PAK4: variants seen among roughly 807,000 people sequenced by gnomAD.
The protein encoded by PAK4 is serine/threonine-protein kinase PAK 4.
A neutral mutation model predicts 53.5 loss-of-function variants in PAK4; 49 were observed. The ratio of observed to expected loss-of-function variants is 0.92; its 90% CI spans 0.73 to 1.16. The LOEUF (loss-of-function observed/expected upper bound fraction) is 1.16, where lower values mean the gene tolerates loss of function less well. PAK4 is among the 50% of genes most tolerant of loss of function. The probability of loss-of-function intolerance (pLI) is 0.00; values close to 1 mark genes in which losing one functional copy is unlikely to be tolerated. For missense variants in PAK4, 824 were observed against 850.7 expected (o/e 0.97, Z 0.39); for synonymous variants, 376 against 375.6 (o/e 1.00, Z -0.01).
intron 1 of PAK4, among the ~76,000 whole-genome samples, chr19:39,131,721 T>C (rs2145101916): frequency 6.6e-6 from 1 of 152,202 alleles, no homozygotes; most frequent in East Asian, 1.9e-4. Flanking sequence ...GCCCCGACCC[T>C]TCCCAGGCTG....
At chr19:39,164,608 G>T (rs2144788328) in intron 1 of PAK4, among the ~76,000 whole-genome samples, 1 of 152,324 alleles carries the variant, frequency 6.6e-6, no homozygotes, top group Admixed American at 6.5e-5. Flanking sequence ...GGCGCATCCT[G>T]TGGGGACTCT....
At chr19:39,174,059 T>TCCCACCCTCCCTCCCC (rs2074550883) in intron 4 of PAK4, 49 bp downstream of exon 5, 2 of 979,058 alleles carry the variant, frequency 2.0e-6, no homozygotes, top group African/African-American at 3.0e-5. Flanking sequence ...CACCCCTCCC[T>TCCCACCCTCCCTCCCC]CCCACCCTCC....
chr19:39,135,956 C>A lies in PAK4; in HGVS notation c.-23+10037C>A, dbSNP rs142322107. ...CCTGTCACTCTACATGACAATGTAA[C>A]CTGGTGCTGCGGGCTCCTCTTCCTT... On this transcript the variant is annotated intron_variant, in intron 1 of 8. Coordinates refer to ENST00000358301, the Ensembl canonical transcript of PAK4. 2.9e-3 allele frequency among the ~76,000 whole-genome samples: 442 copies of A among 151,600 alleles called. 2 individuals carry two copies. The highest frequency in any genetic ancestry group is 0.01 in the African/African-American group (419 of 41,308).
At chr19:39,179,576 C>CT (rs2074679187), downstream of PAK4, 1 of 152,092 alleles carries the variant, frequency 6.6e-6, no homozygotes, top group African/African-American at 2.4e-5. Flanking sequence ...CTCCCCCAGC[C>CT]TGCCACTCCC....
intron 2 of PAK4, 46 bp from the exon 4 acceptor site, chr19:39,172,872 C>T (rs2074509990): frequency 6.9e-7 from 1 of 1,453,974 alleles, no homozygotes; most frequent in Non-Finnish European, 9.3e-7. Flanking sequence ...GTCCTGTGTG[C>T]CCCACTCCTT....
In PAK4 at chr19:39,178,065, T is replaced by C. The variant is rs531794560; in HGVS notation, c.1620+256T>C. On this transcript the variant is annotated intron_variant, in intron 8 of 8. Coordinates refer to ENST00000358301, the Ensembl canonical transcript of PAK4. The surrounding 1 kb of genome is among the most constrained non-coding windows in gnomAD (Gnocchi z 4.4). ...GGCCCCACCCAGCCCTAGAGAGATT[T>C]GCACGTTTAGAAGTGGAGGACAGGG... Among the ~76,000 whole-genome samples, 97 of 152,210 alleles carry C rather than the reference T, an allele frequency of 6.4e-4. No homozygotes were observed. The highest frequency in any genetic ancestry group is 2.1e-3 in the African/African-American group (88 of 41,526).
Position 39,178,434 on chromosome 19 carries a change from C to T in PAK4, c.1631C>T (p.Ser544Phe), listed in dbSNP as rs1050890684. The T allele has an allele frequency of 2.5e-6, 4 of 1,589,572 alleles. No individual in the cohort carries two copies. The highest frequency in any genetic ancestry group is 2.6e-6 in the Non-Finnish European group (3 of 1,168,870). The stretch of plus-strand genomic sequence containing the variant: ...CCTCCTTCTCGACAGGTGTCGCCAT[C>T]CCTGAAGGGCTTCCTGGACCGCCTG... Residue 544 changes from serine (S) to phenylalanine (F), a missense_variant, in exon 9 of 9, where the codon TCC becomes TTC. Ser to Phe is a radical substitution (Grantham distance 155). This residue lies in a region of PAK4 where 346 missense variants were observed against 415.0 expected (regional missense o/e 0.83). Coordinates refer to ENST00000358301, the Ensembl canonical transcript of PAK4. The surrounding 1 kb of genome is among the most constrained non-coding windows in gnomAD (Gnocchi z 4.4).
At position 39,154,415 on chromosome 19, in the gene PAK4, G is replaced by A. The variant is rs533472003; in HGVS notation, c.-22-15117G>A. Among the ~76,000 whole-genome samples the A allele has an allele frequency of 5.9e-5, 9 of 152,244 alleles. No homozygotes were observed. The East Asian group carries it at 1.4e-3, about 23-fold the overall frequency. On this transcript the variant is annotated intron_variant, in intron 1 of 8. Coordinates refer to ENST00000358301, the Ensembl canonical transcript of PAK4. ...ATCATGTGTGTACCCATACACACAC[G>A]TAGGATCTCTCAGAAAGGAAAAGAA...
chr19:39,145,271 C>T (rs995002068), intron 1 of PAK4, among the ~76,000 whole-genome samples: 6 of 152,086 alleles, frequency 3.9e-5, no homozygotes, highest in Non-Finnish European at 8.8e-5. Context: ...GCTGGCCCTG[C>T]GTCTGCTTCC....
chr19:39,172,235 G>T (rs559864591), intron 2 of PAK4, among the ~76,000 whole-genome samples: 1 of 151,830 alleles, frequency 6.6e-6, no homozygotes, highest in African/African-American at 2.4e-5. Context: ...GGGCGGGGGT[G>T]GGGGAGACAC....
At chr19:39,165,651 G>A (rs377468382) in intron 1 of PAK4, among the ~76,000 whole-genome samples, 20 of 152,250 alleles carry the variant, frequency 1.3e-4, no homozygotes, top group East Asian at 5.8e-4. Context: ...ATACACAACC[G>A]CCCAGGTTCA....
At chr19:39,133,377 G>A (rs1003318472) in intron 1 of PAK4, among the ~76,000 whole-genome samples, 3 of 152,196 alleles carry the variant, frequency 2.0e-5, no homozygotes, top group Non-Finnish European at 4.4e-5. Context: ...CACTGTTTGA[G>A]TGCTTTCTGT....
chr19:39,154,823 A>T (rs557553677), intron 1 of PAK4, among the ~76,000 whole-genome samples: 59 of 143,164 alleles, frequency 4.1e-4, no homozygotes, highest in African/African-American at 1.5e-3. Context: ...ATGGGGAGGC[A>T]GTGGCCTGAG....
rs199929260 is a variant in PAK4, at chr19:39,173,655, G to A, written c.743G>A (p.Arg248Gln). The stretch of plus-strand genomic sequence containing the variant: ...CCCCAGTCCTCCTCCTCCTCCTCCC[G>A]GCCTCCCACCCGAGCCCGAGGTGCC... Residue 248 changes from arginine to glutamine, a missense_variant, in exon 4 of 9, where the codon CGG becomes CAG. Physicochemically the swap from Arg to Gln is conservative, Grantham distance 43. Coordinates refer to ENST00000358301, the Ensembl canonical transcript of PAK4. This position sits in a 1 kb window ranked among gnomAD's most constrained non-coding sequence, Gnocchi z 6.9. The A allele has an allele frequency of 3.7e-5, 59 of 1,580,292 alleles. No individual in the cohort carries two copies. Among genetic ancestry groups the A allele is most frequent in the East Asian group, 9.1e-5 (4 of 43,956 alleles).
intron 1 of PAK4, chr19:39,152,501 G>C (rs2074109272): frequency 6.6e-6 from 1 of 152,124 alleles, no homozygotes; most frequent in African/African-American, 2.4e-5. Flanking sequence ...GTGAAAAAGG[G>C]GAAAGTATTG....
rs2073563276 is a variant in PAK4, at chr19:39,125,811, G to A, written c.-131G>A. 1 of 153,412 alleles carries A rather than the reference G, an allele frequency of 6.5e-6. No individual in the cohort carries two copies. Among genetic ancestry groups the A allele is most frequent in the Non-Finnish European group, 1.5e-5 (1 of 68,862 alleles). 9.5% of individuals were successfully genotyped at this position (153,412 alleles called of 1,614,324 possible). A position where few individuals can be genotyped will look rare whatever the true frequency, so the allele number is the denominator to read the frequency against. ...GGATGTTCGTTGGGGATTCAACATG[G>A]CGGCGGGAGTGTCCGCGGTGGTGGC... On this transcript the variant is annotated 5_prime_UTR_variant, in exon 1 of 9. An upstream open reading frame in the 5' UTR gains an earlier in-frame stop. Transcript: ENST00000358301.
At position 39,178,410 on chromosome 19, in the gene PAK4, C is replaced by T. The variant is rs761048357; in HGVS notation, c.1621-14C>T. 9.5e-6 allele frequency: 15 copies of T among 1,573,098 alleles called. No homozygotes were observed. Among genetic ancestry groups the T allele is most frequent in the African/African-American group, 5.4e-5 (4 of 73,764 alleles). Reference sequence around the variant, plus strand: ...GGGAGCCTCGCCCCCTGACCCTCCCCTCCTTCTCGACAGGTGTCGCCATCC... The same window carrying T: ...GGGAGCCTCGCCCCCTGACCCTCCCTTCCTTCTCGACAGGTGTCGCCATCC... On this transcript the variant is annotated splice_polypyrimidine_tract_variant and intron_variant, in intron 8 of 8. Coordinates refer to ENST00000358301, the Ensembl canonical transcript of PAK4. The surrounding 1 kb of genome is among the most constrained non-coding windows in gnomAD (Gnocchi z 4.4).
At chr19:39,130,220 T>C (rs1370232694) in intron 1 of PAK4, among the ~76,000 whole-genome samples, 2 of 67,802 alleles carry the variant, frequency 2.9e-5, no homozygotes, top group Non-Finnish European at 5.6e-5. Flanking sequence ...GGCAGAGGGA[T>C]CAGGGTGGGA....
exon 2 of PAK4, chr19:39,169,738 T>C (rs766589746): frequency 1.2e-6 from 2 of 1,604,992 alleles, no homozygotes; most frequent in East Asian, 4.5e-5. Context: ...ATCACCTCCA[T>C]CCAGCCCGGG....
Sources: allele counts gnomAD v4.1 joint callset (sites outside exome capture counted in the v4.1 genomes callset), GRCh38; gene constraint gnomAD v4.1.1; regional missense constraint gnomAD v4.1.1; non-coding constraint Gnocchi (gnomAD v3.1); transcripts MANE v1.5; gene names NCBI Gene and HGNC (gene_info 2026-07-23, HGNC 2026-07-21).